Variants in CNTNAP5 observed in about 807,000 individuals in gnomAD.
CNTNAP5 encodes the protein contactin associated protein family member 5.
A neutral mutation model predicts 150.2 loss-of-function variants in CNTNAP5; 72 were observed. The ratio of observed to expected loss-of-function variants is 0.48; its 90% CI spans 0.40 to 0.58. The LOEUF is 0.58. Ranked by LOEUF, CNTNAP5 falls within the 20% of genes least tolerant of loss-of-function variation. The pLI is 0.00. For missense variants in CNTNAP5, 1,636 were observed against 1,626.2 expected (o/e 1.01, Z -0.10); for synonymous variants, 672 against 619.8 (o/e 1.08, Z -1.25).
At chr2:124,687,957 T>C (rs1445109355) in intron 13 of CNTNAP5, among the ~76,000 whole-genome samples, 2 of 152,104 alleles carry the variant, frequency 1.3e-5, no homozygotes, top group African/African-American at 2.4e-5. Flanking sequence ...TAGTACTAAT[T>C]CTGAATTGAT....
intron 3 of CNTNAP5, among the ~76,000 whole-genome samples, chr2:124,342,975 G>A (rs957458647): frequency 6.6e-6 from 1 of 152,090 alleles, no homozygotes; most frequent in African/African-American, 2.4e-5. Flanking sequence ...TCAGAAACCT[G>A]TACTTGTCAA....
chr2:124,202,410 A>G lies in CNTNAP5; in HGVS notation c.83-19295A>G, dbSNP rs1685749640. Among the ~76,000 whole-genome samples, 8 of 152,202 alleles carry G rather than the reference A, an allele frequency of 5.3e-5. No homozygotes were observed. The South Asian group carries it at 1.7e-3, about 31-fold the overall frequency. Reference sequence around the variant, plus strand: ...CTTTGGTTTTTAAAATGTTAACTTTATCTTGGGATGTCTTTAGTAGTGTAA... The same window carrying G: ...CTTTGGTTTTTAAAATGTTAACTTTGTCTTGGGATGTCTTTAGTAGTGTAA... On this transcript the variant is annotated intron_variant, in intron 1 of 23. Coordinates refer to ENST00000682447, the MANE Select transcript of CNTNAP5 (RefSeq NM_001367498.1).
chr2:124,298,085 T>G (rs1688486033), intron 3 of CNTNAP5, among the ~76,000 whole-genome samples: 1 of 152,070 alleles, frequency 6.6e-6, no homozygotes, highest in South Asian at 2.1e-4. Context: ...CCTTGTGATC[T>G]GCCCATCTCA....
chr2:124,090,346 A>G (rs1682785745), intron 1 of CNTNAP5, among the ~76,000 whole-genome samples: 1 of 152,222 alleles, frequency 6.6e-6, no homozygotes, highest in Non-Finnish European at 1.5e-5. Context: ...AGGAATAAAT[A>G]AAACTTGCAA....
At chr2:124,555,449 A>T (rs186228665) in intron 10 of CNTNAP5, among the ~76,000 whole-genome samples, 189 of 152,324 alleles carry the variant, frequency 1.2e-3, no homozygotes, top group African/African-American at 4.1e-3. Flanking sequence ...AACCCATATC[A>T]CTGTATCATT....
chr2:124,068,932 C>T (rs2104661911), intron 1 of CNTNAP5, among the ~76,000 whole-genome samples: 1 of 152,092 alleles, frequency 6.6e-6, no homozygotes, highest in African/African-American at 2.4e-5. Flanking sequence ...GAATTATCAA[C>T]AGTGATACCC....
intron 3 of CNTNAP5, among the ~76,000 whole-genome samples, chr2:124,251,728 G>A (rs1213734598): frequency 6.6e-6 from 1 of 152,248 alleles, no homozygotes; most frequent in South Asian, 2.1e-4. Context: ...AGAGCATGAA[G>A]TTTCTGACTT....
chr2:124,157,087 G>A, intron 1 of CNTNAP5, among the ~76,000 whole-genome samples: 1 of 152,122 alleles, frequency 6.6e-6, no homozygotes, highest in East Asian at 1.9e-4. Context: ...AAACCTTTGG[G>A]GCTCTGTTTA....
chr2:124,859,760 G>A lies in CNTNAP5; in HGVS notation c.3218-5546G>A, dbSNP rs1197627570. Reference sequence around the variant, plus strand: ...AAGGATGAGTTCATGTCCTTTGTAGGGACATGGATGAAGCTGGAAACCATC... The same window carrying A: ...AAGGATGAGTTCATGTCCTTTGTAGAGACATGGATGAAGCTGGAAACCATC... On this transcript the variant is annotated intron_variant, in intron 19 of 23. Coordinates refer to ENST00000682447, the MANE Select transcript of CNTNAP5 (RefSeq NM_001367498.1). 8.5e-5 allele frequency among the ~76,000 whole-genome samples: 13 copies of A among 152,144 alleles called. No homozygotes were observed. In the East Asian group the frequency reaches 1.7e-3, roughly 20 times the overall value.
intron 1 of CNTNAP5, among the ~76,000 whole-genome samples, chr2:124,095,090 A>C (rs571857212): frequency 1.3e-5 from 2 of 152,334 alleles, no homozygotes; most frequent in Admixed American, 1.3e-4. Flanking sequence ...ACTTGGAATC[A>C]ACCCAAATGT....
chr2:124,523,682 T>C (rs1011560889), intron 8 of CNTNAP5, among the ~76,000 whole-genome samples: 4 of 152,312 alleles, frequency 2.6e-5, no homozygotes, highest in African/African-American at 4.8e-5. Flanking sequence ...ATAGGAATCA[T>C]AATATTTACA....
chr2:124,480,157 CTA>C (rs1392103935), intron 7 of CNTNAP5, among the ~76,000 whole-genome samples: 3 of 152,174 alleles, frequency 2.0e-5, no homozygotes, highest in African/African-American at 7.2e-5. Flanking sequence ...TACTCCCAAA[CTA>C]TGAGTCATGA....
At chr2:124,845,188 G>A (rs763723228) in intron 19 of CNTNAP5, among the ~76,000 whole-genome samples, 18 of 152,000 alleles carry the variant, frequency 1.2e-4, no homozygotes, top group Non-Finnish European at 2.5e-4. Context: ...TAATCATAAA[G>A]TGATACTGGT....
chr2:124,565,044 C>A (rs528509354), intron 11 of CNTNAP5, among the ~76,000 whole-genome samples: 78 of 152,158 alleles, frequency 5.1e-4, no homozygotes, highest in African/African-American at 1.8e-3. Flanking sequence ...GGGCTGGAAC[C>A]CTGGGATTCC....
intron 13 of CNTNAP5, among the ~76,000 whole-genome samples, chr2:124,693,893 G>A (rs1247375444): frequency 6.6e-6 from 1 of 150,640 alleles, no homozygotes; most frequent in Admixed American, 6.6e-5. Context: ...CTTCACAGCT[G>A]GCTCTAACCA....
intron 3 of CNTNAP5, among the ~76,000 whole-genome samples, chr2:124,310,078 A>G (rs1207965987): frequency 6.8e-6 from 1 of 147,670 alleles, no homozygotes; most frequent in Non-Finnish European, 1.5e-5. Context: ...TTTTATGAGC[A>G]TTAAGTTCAG....
At chr2:124,152,369 C>T (rs1182355046) in intron 1 of CNTNAP5, among the ~76,000 whole-genome samples, 1 of 152,140 alleles carries the variant, frequency 6.6e-6, no homozygotes, top group Non-Finnish European at 1.5e-5. Context: ...GTACTATCAT[C>T]CGGATTTTGC....
chr2:124,111,767 T>C (rs1347951737), intron 1 of CNTNAP5, among the ~76,000 whole-genome samples: 1 of 152,242 alleles, frequency 6.6e-6, no homozygotes, highest in African/African-American at 2.4e-5. Flanking sequence ...ACGTTAATCA[T>C]ACAGTGGGCC....
In CNTNAP5 at chr2:124,474,928, G is replaced by A. The variant is rs377265562; in HGVS notation, c.1062+46G>A. 123 of 1,551,354 alleles carry A rather than the reference G, an allele frequency of 7.9e-5. 2 individuals carry two copies. The African/African-American group carries it at 1.3e-3, about 16-fold the overall frequency. The stretch of plus-strand genomic sequence containing the variant: ...TGTCTTGATGGTTTCTACCACTTTG[G>A]GGTAAGTCTTGCTTTCACCAGCCCA... On this transcript the variant is annotated intron_variant, in intron 7 of 23. Coordinates refer to ENST00000682447, the MANE Select transcript of CNTNAP5 (RefSeq NM_001367498.1).
Sources: gnomAD v4.1 joint callset for allele counts (sites outside exome capture counted in the v4.1 genomes callset) on GRCh38, gnomAD v4.1.1 for gene constraint, MANE v1.5 for transcripts, NCBI Gene and HGNC (gene_info 2026-07-23, HGNC 2026-07-21) for gene names.